The following UNC13C variants were observed in gnomAD, a reference collection of about 807,000 sequenced individuals.
UNC13C encodes the protein unc-13 homolog C, also known as protein unc-13 homolog C.
A neutral mutation model predicts 245.4 loss-of-function variants in UNC13C; 174 were observed. The observed-to-expected ratio is 0.71, with a 90% CI of 0.63 to 0.80. UNC13C has a LOEUF of 0.80. Ranked by LOEUF, UNC13C falls within the 30% of genes least tolerant of loss-of-function variation. UNC13C has a pLI of 0.00. For missense variants in UNC13C, 2,829 were observed against 2,602.9 expected (o/e 1.09, Z -1.89); for synonymous variants, 992 against 895.1 (o/e 1.11, Z -1.93).
chr15:54,461,778 A>G (rs1891859244), intron 19 of UNC13C, among the ~76,000 whole-genome samples: 1 of 152,228 alleles, frequency 6.6e-6, no homozygotes, highest in South Asian at 2.1e-4. Flanking sequence ...ATGTGTCTAC[A>G]GAAGAGAGCA....
At chr15:53,860,486 G>A in the UNC13C span, among the ~76,000 whole-genome samples, 1 of 152,082 alleles carries the variant, frequency 6.6e-6, no homozygotes, top group Non-Finnish European at 1.5e-5. Context: ...TCATGGGGAG[G>A]TAATTGCCCC....
chr15:54,422,442 A>G (rs2040666209), intron 19 of UNC13C, among the ~76,000 whole-genome samples: 1 of 152,012 alleles, frequency 6.6e-6, no homozygotes, highest in Non-Finnish European at 1.5e-5. Flanking sequence ...TGGTATATAA[A>G]AGTTTCCAAA....
intron 2 of UNC13C, among the ~76,000 whole-genome samples, chr15:54,097,235 A>G (rs1398482614): frequency 1.3e-5 from 2 of 152,146 alleles, no homozygotes; most frequent in East Asian, 3.9e-4. Flanking sequence ...TTTCAAGTTT[A>G]CTTTGCATAA....
intron 19 of UNC13C, among the ~76,000 whole-genome samples, chr15:54,430,001 G>A (rs893356497): frequency 1.3e-5 from 2 of 151,524 alleles, no homozygotes; most frequent in Non-Finnish European, 3.0e-5. Flanking sequence ...AAAATAATAT[G>A]CCAATTTGAG....
At chr15:54,374,354 T>C (rs1237393544) in intron 17 of UNC13C, among the ~76,000 whole-genome samples, 1 of 152,044 alleles carries the variant, frequency 6.6e-6, no homozygotes, top group Non-Finnish European at 1.5e-5. Context: ...GAGGGACACC[T>C]GCAGGCCTAC....
chr15:54,348,652 G>A (rs946430314), intron 17 of UNC13C, among the ~76,000 whole-genome samples: 2 of 152,116 alleles, frequency 1.3e-5, no homozygotes, highest in African/African-American at 4.8e-5. Context: ...ATTTCAGAAC[G>A]TCCATGCTTG....
chr15:54,333,384 AT>A (rs1422729615), intron 15 of UNC13C, among the ~76,000 whole-genome samples: 8 of 152,110 alleles, frequency 5.3e-5, no homozygotes, highest in African/African-American at 1.4e-4. Context: ...TTTCCGAAGT[AT>A]TTTTTAAAAA....
At chr15:54,196,597 A>G (rs1197787350) in intron 4 of UNC13C, among the ~76,000 whole-genome samples, 1 of 152,198 alleles carries the variant, frequency 6.6e-6, no homozygotes, top group Non-Finnish European at 1.5e-5. Context: ...GAATATTAAC[A>G]TCCAACAATT....
chr15:54,613,061 C>A (rs73403857), intron 30 of UNC13C, among the ~76,000 whole-genome samples: 23,446 of 151,672 alleles, frequency 0.15, 1,941 homozygotes, highest in Middle Eastern at 0.24. Flanking sequence ...GACTTCTAAA[C>A]AATTTTAGAA....
intron 17 of UNC13C, among the ~76,000 whole-genome samples, chr15:54,386,790 G>T (rs1226758919): frequency 6.6e-6 from 1 of 152,154 alleles, no homozygotes; most frequent in Admixed American, 6.5e-5. Flanking sequence ...TGCTGCTTTT[G>T]GAAGTAGTGG....
At chr15:53,983,637 A>G (rs1480787451) in intron 1 of UNC13C, among the ~76,000 whole-genome samples, 2 of 151,960 alleles carry the variant, frequency 1.3e-5, no homozygotes, top group Admixed American at 1.3e-4. Context: ...AATACAGCAA[A>G]TTAAAAAAAT....
intron 24 of UNC13C, among the ~76,000 whole-genome samples, chr15:54,522,929 A>T (rs1392275603): frequency 6.6e-6 from 1 of 152,126 alleles, no homozygotes; most frequent in Non-Finnish European, 1.5e-5. Flanking sequence ...TTTAACAATA[A>T]CTCTAAATAA....
rs1316232975 is a variant in UNC13C, at chr15:54,377,464, G to C, written c.4714-15584G>C. ...AGCTATTCAGCCTCTGTCATGATTG[G>C]AGCTTTTTAAGCTGTTTATCCTTTT... On this transcript the variant is annotated intron_variant, in intron 17 of 32. Transcript: ENST00000260323. Among the ~76,000 whole-genome samples, 3 of 152,300 alleles carry C rather than the reference G, an allele frequency of 2.0e-5. No individual in the cohort carries two copies. In the East Asian group the frequency reaches 5.8e-4, roughly 29 times the overall value.
At chr15:54,456,841 T>A (rs1891558341) in intron 19 of UNC13C, among the ~76,000 whole-genome samples, 1 of 152,198 alleles carries the variant, frequency 6.6e-6, no homozygotes, top group Admixed American at 6.5e-5. Context: ...CAGTTTGACT[T>A]CCTCTTTACT....
At chr15:54,220,193 A>G (rs2035177975) in intron 4 of UNC13C, among the ~76,000 whole-genome samples, 1 of 151,242 alleles carries the variant, frequency 6.6e-6, no homozygotes, top group African/African-American at 2.5e-5. Flanking sequence ...CTTGGAACCA[A>G]CCCAAATGTC....
rs755095444 is a variant in UNC13C, at chr15:54,440,933, A to T, written c.4933+25866A>T. On this transcript the variant is annotated intron_variant, in intron 19 of 32. Transcript: ENST00000260323. ...TAGTGATGTCGAGCATTTTTAATATACATGTTGACCACTTGTATGTCTTCT... is the reference window on the plus strand; with the variant it reads ...TAGTGATGTCGAGCATTTTTAATATTCATGTTGACCACTTGTATGTCTTCT... Among the ~76,000 whole-genome samples, 25 of 152,060 alleles carry T rather than the reference A, an allele frequency of 1.6e-4. No homozygotes were observed. The Middle Eastern group carries it at 0.01, about 62-fold the overall frequency.
intron 19 of UNC13C, among the ~76,000 whole-genome samples, chr15:54,492,564 T>G (rs1348327473): frequency 6.6e-6 from 1 of 152,244 alleles, no homozygotes; most frequent in Non-Finnish European, 1.5e-5. Context: ...TCAGCCATTA[T>G]GTACACCTGT....
chr15:54,155,094 C>T (rs2032685588), intron 4 of UNC13C, among the ~76,000 whole-genome samples: 1 of 152,158 alleles, frequency 6.6e-6, no homozygotes, highest in Admixed American at 6.5e-5. Context: ...ATCAGTTAGA[C>T]ATTGCCATGT....
intron 1 of UNC13C, among the ~76,000 whole-genome samples, chr15:53,999,820 T>C (rs1014182465): frequency 1.3e-5 from 2 of 152,070 alleles, no homozygotes; most frequent in Admixed American, 1.3e-4. Context: ...TTGTTTAACT[T>C]TAAAAGATAG....
Sources: gnomAD v4.1 joint callset for allele counts (sites outside exome capture counted in the v4.1 genomes callset) on GRCh38, gnomAD v4.1.1 for gene constraint, MANE v1.5 for transcripts, NCBI Gene and HGNC (gene_info 2026-07-23, HGNC 2026-07-21) for gene names.